The following SLC61A1 variants were observed in gnomAD, a reference collection of about 807,000 sequenced individuals.
The protein encoded by SLC61A1 is solute carrier family 61 member 1, also known as major facilitator superfamily domain containing 5.
chr12:53,254,036 C>T, the SLC61A1 span: 15 of 1,614,156 alleles, frequency 9.3e-6, no homozygotes, highest in Non-Finnish European at 1.1e-5. Context: ...TGACAGTGAT[C>T]GAAAAACAGG....
At chr12:53,253,593 G>A in the SLC61A1 span, 1 of 1,613,808 alleles carries the variant, frequency 6.2e-7, no homozygotes, top group Non-Finnish European at 8.5e-7. Context: ...CTGCTGTTGG[G>A]CACCATACAA....
the SLC61A1 span, chr12:53,253,238 G>C: frequency 6.2e-7 from 1 of 1,614,240 alleles, no homozygotes; most frequent in Non-Finnish European, 8.5e-7. Flanking sequence ...AGTGGGGCGA[G>C]CACTTGGTGG....
chr12:53,251,930 G>C, the SLC61A1 span: 1 of 1,537,284 alleles, frequency 6.5e-7, no homozygotes, highest in Non-Finnish European at 8.7e-7. Context: ...AGAGGAGCAG[G>C]TGTCACGGGA....
the SLC61A1 span, chr12:53,254,114 T>C: frequency 6.2e-7 from 1 of 1,614,196 alleles, no homozygotes; most frequent in Non-Finnish European, 8.5e-7. Flanking sequence ...GGTGGGACTC[T>C]TCACCGTGGT....
the SLC61A1 span, chr12:53,251,530 A>C: frequency 2.2e-5 from 13 of 583,046 alleles, no homozygotes; most frequent in Non-Finnish European, 3.9e-5. Flanking sequence ...CTGCCACTGA[A>C]CTTTAGCCTT....
At chr12:53,252,204 G>A in the SLC61A1 span, 11 of 1,416,872 alleles carry the variant, frequency 7.8e-6, no homozygotes, top group Non-Finnish European at 1.0e-5. Flanking sequence ...AGCCACAGCG[G>A]GGAGGGTGGC....
the SLC61A1 span, chr12:53,251,794 G>A: frequency 6.5e-7 from 1 of 1,537,290 alleles, no homozygotes; most frequent in Non-Finnish European, 8.7e-7. Context: ...TTCGGGCAGC[G>A]GTGCTGTTCC....
chr12:53,251,591 G>C, the SLC61A1 span: 4 of 799,352 alleles, frequency 5.0e-6, no homozygotes, highest in Non-Finnish European at 7.7e-6. Context: ...GGGACACTGG[G>C]AAGTTATGCG....
chr12:53,254,021 C>G, the SLC61A1 span: 1 of 1,614,104 alleles, frequency 6.2e-7, no homozygotes, highest in Non-Finnish European at 8.5e-7. Context: ...GCTCCTTGTC[C>G]TCCATGACAG....
chr12:53,253,304 G>T, the SLC61A1 span: 1 of 1,614,252 alleles, frequency 6.2e-7, no homozygotes, highest in Non-Finnish European at 8.5e-7. Context: ...CCATGAGCAC[G>T]TGGAACGGCA....
chr12:53,252,385 C>A, the SLC61A1 span: 10 of 1,314,144 alleles, frequency 7.6e-6, no homozygotes, highest in East Asian at 3.3e-5. Flanking sequence ...ACACGCATGA[C>A]CCTGAAGCAA....
At chr12:53,253,282 G>A in the SLC61A1 span, 1 of 1,614,126 alleles carries the variant, frequency 6.2e-7, no homozygotes, top group Non-Finnish European at 8.5e-7. Flanking sequence ...CAGCCTTCGA[G>A]GCCTGGTATA....
chr12:53,252,063 G>A, the SLC61A1 span: 1 of 637,316 alleles, frequency 1.6e-6, no homozygotes, highest in Non-Finnish European at 2.5e-6. Flanking sequence ...GGCGGGCGGG[G>A]CGGGGCGGGG....
the SLC61A1 span, chr12:53,253,789 T>C: frequency 6.2e-7 from 1 of 1,614,242 alleles, no homozygotes; most frequent in Non-Finnish European, 8.5e-7. Flanking sequence ...TGTCCCTTGC[T>C]GTGCTCATCG....
At chr12:53,251,595 T>G in the SLC61A1 span, 30 of 843,824 alleles carry the variant, frequency 3.6e-5, no homozygotes, top group Non-Finnish European at 5.3e-5. Context: ...CACTGGGAAG[T>G]TATGCGGCTT....
chr12:53,252,169 C>G, the SLC61A1 span: 19 of 1,425,206 alleles, frequency 1.3e-5, no homozygotes, highest in Non-Finnish European at 1.7e-5. Context: ...GGCGGGAGCG[C>G]TGCTGGAACC....
At chr12:53,251,977 C>T in the SLC61A1 span, 2 of 1,536,646 alleles carry the variant, frequency 1.3e-6, no homozygotes, top group South Asian at 2.4e-5. Flanking sequence ...GAAGCAACCG[C>T]AGCCTCCTAT....
chr12:53,252,543 G>C, the SLC61A1 span: 60,173 of 1,371,998 alleles, frequency 0.044, 1,441 homozygotes, highest in Non-Finnish European at 0.049. Context: ...TTGCGGGAGC[G>C]GGATTATTGA....
At chr12:53,252,882 G>A in the SLC61A1 span, 2 of 1,614,138 alleles carry the variant, frequency 1.2e-6, no homozygotes, top group Non-Finnish European at 1.7e-6. Flanking sequence ...CTGGCCTCCT[G>A]CCTGGGGCTG....
Sources: allele counts gnomAD v4.1 joint callset, GRCh38; gene constraint gnomAD v4.1.1; transcripts MANE v1.5; gene names NCBI Gene and HGNC (gene_info 2026-07-23, HGNC 2026-07-21).